GRID2: variants seen among roughly 807,000 people sequenced by gnomAD.
GRID2 encodes the protein glutamate receptor ionotropic, delta-2.
A neutral mutation model predicts 114.8 loss-of-function variants in GRID2; 33 were observed. The observed-to-expected ratio is 0.29, with a 90% confidence interval of 0.22 to 0.38. GRID2 has a LOEUF of 0.38. Ranked by LOEUF, GRID2 falls within the 10% of genes least tolerant of loss-of-function variation. GRID2 has a pLI of 1.00. For missense variants in GRID2, 1,184 were observed against 1,257.7 expected (o/e 0.94, Z 0.89); for synonymous variants, 505 against 449.9 (o/e 1.12, Z -1.55).
intron 1 of GRID2, among the ~76,000 whole-genome samples, chr4:92,536,578 GA>G (rs1725645102): frequency 1.3e-5 from 2 of 152,094 alleles, no homozygotes; most frequent in Admixed American, 1.3e-4. Flanking sequence ...ACTTTAATAA[GA>G]TTGTTATTTT....
At chr4:93,589,236 G>A (rs1198356659) in intron 13 of GRID2, among the ~76,000 whole-genome samples, 37 of 131,176 alleles carry the variant, frequency 2.8e-4, no homozygotes, top group African/African-American at 1.1e-3. Flanking sequence ...AGTGTGTGAT[G>A]TTCCCTTTCC....
chr4:92,315,742 G>A (rs953609434), intron 1 of GRID2, among the ~76,000 whole-genome samples: 3 of 151,876 alleles, frequency 2.0e-5, no homozygotes, highest in Admixed American at 2.0e-4. Flanking sequence ...AGGCTGAGGC[G>A]GGTGGATCAC....
chr4:92,628,130 A>G (rs1730612292), intron 2 of GRID2, among the ~76,000 whole-genome samples: 1 of 152,136 alleles, frequency 6.6e-6, no homozygotes, highest in Admixed American at 6.6e-5. Flanking sequence ...ATTATTAATA[A>G]TGCCTATGTT....
chr4:93,741,174 CATATATAT>C (rs376106965), intron 14 of GRID2, among the ~76,000 whole-genome samples: 3 of 41,238 alleles, frequency 7.3e-5, no homozygotes, highest in African/African-American at 2.5e-4. Flanking sequence ...TATATATATA[CATATATAT>C]ATATATATAT....
chr4:93,560,365 C>G (rs895150538), intron 13 of GRID2, among the ~76,000 whole-genome samples: 1 of 151,152 alleles, frequency 6.6e-6, no homozygotes, highest in African/African-American at 2.4e-5. Context: ...TTCTGGGGAG[C>G]TTCAGGGAGC....
chr4:92,582,574 T>A (rs929199427), intron 1 of GRID2, among the ~76,000 whole-genome samples: 1 of 151,886 alleles, frequency 6.6e-6, no homozygotes, highest in Admixed American at 6.6e-5. Context: ...ACTAGAAATT[T>A]TATAAAAATA....
At chr4:92,864,376 A>T (rs1016364228) in intron 2 of GRID2, among the ~76,000 whole-genome samples, 4 of 152,210 alleles carry the variant, frequency 2.6e-5, no homozygotes, top group African/African-American at 9.6e-5. Flanking sequence ...GCCACCAGAC[A>T]CAGTGAATGA....
At chr4:93,228,101 A>G (rs1430728174) in intron 7 of GRID2, among the ~76,000 whole-genome samples, 2 of 152,166 alleles carry the variant, frequency 1.3e-5, no homozygotes, top group Admixed American at 6.5e-5. Context: ...GGTATTTATT[A>G]TAACAACAGC....
intron 14 of GRID2, among the ~76,000 whole-genome samples, chr4:93,672,057 CCTG>C: frequency 6.6e-6 from 1 of 152,282 alleles, no homozygotes; most frequent in East Asian, 1.9e-4. Context: ...TGTTCTACAT[CCTG>C]CTATTTCAAG....
intron 14 of GRID2, among the ~76,000 whole-genome samples, chr4:93,686,740 C>T (rs1025054863): frequency 6.6e-6 from 1 of 151,838 alleles, no homozygotes; most frequent in Non-Finnish European, 1.5e-5. Flanking sequence ...AAAGAGAGCT[C>T]ACCTAGTGAG....
chr4:93,163,377 T>TATAC (rs1737901726), intron 4 of GRID2, among the ~76,000 whole-genome samples: 1 of 122,856 alleles, frequency 8.1e-6, no homozygotes, highest in Non-Finnish European at 1.7e-5. Flanking sequence ...TATATATATA[T>TATAC]ATATATATAT....
rs1208965122 is a variant in GRID2, at chr4:92,386,539, GAA to G, written c.88+81799_88+81800del. ...ATTGTACTTACAGCATTGTCAACAG[GAA>G]AAATAAAAAATCTTTTATGGAGAAA... is the stretch of plus-strand genomic sequence containing the variant. On this transcript the variant is annotated intron_variant, in intron 1 of 15. Coordinates refer to ENST00000282020, the MANE Select transcript of GRID2 (RefSeq NM_001510.4). Among the ~76,000 whole-genome samples the G allele has an allele frequency of 5.9e-5, 9 of 151,328 alleles. No homozygotes were observed. The East Asian group carries it at 1.7e-3, about 29-fold the overall frequency.
intron 2 of GRID2, among the ~76,000 whole-genome samples, chr4:92,748,105 G>T (rs1038723577): frequency 6.6e-6 from 1 of 152,126 alleles, no homozygotes; most frequent in Non-Finnish European, 1.5e-5. Context: ...CCTGAGGAAT[G>T]GGACCCTGAT....
intron 2 of GRID2, among the ~76,000 whole-genome samples, chr4:93,028,008 T>A (rs79454578): frequency 0.02 from 3,035 of 152,228 alleles, 42 homozygotes; most frequent in East Asian, 0.053. Context: ...CATAAATCCA[T>A]TATAGTATCT....
intron 9 of GRID2, among the ~76,000 whole-genome samples, chr4:93,409,204 G>A (rs949792181): frequency 1.3e-5 from 2 of 152,096 alleles, no homozygotes; most frequent in East Asian, 3.9e-4. Flanking sequence ...AAAAGAAAAG[G>A]TTAATCTACA....
At chr4:93,797,343 A>G (rs1178450208) in intron 1 of GRID2, among the ~76,000 whole-genome samples, 2 of 152,196 alleles carry the variant, frequency 1.3e-5, no homozygotes, top group African/African-American at 4.8e-5. Context: ...TAGAAGCTCA[A>G]ATGAGTTCCT....
intron 2 of GRID2, among the ~76,000 whole-genome samples, chr4:92,911,429 A>C (rs1748371455): frequency 6.6e-6 from 1 of 152,002 alleles, no homozygotes; most frequent in African/African-American, 2.4e-5. Context: ...AAAACACTTA[A>C]AGTGTGCAAC....
chr4:93,671,628 T>C (rs545050328), intron 14 of GRID2, among the ~76,000 whole-genome samples: 1 of 152,230 alleles, frequency 6.6e-6, no homozygotes, highest in South Asian at 2.1e-4. Context: ...ATTAGAAACA[T>C]GAAAGTTAAA....
At chr4:92,871,573 C>T (rs894407541) in intron 2 of GRID2, among the ~76,000 whole-genome samples, 1 of 152,126 alleles carries the variant, frequency 6.6e-6, no homozygotes, top group Non-Finnish European at 1.5e-5. Flanking sequence ...GCTATGACAT[C>T]AGGGCAGAGT....
Sources: gnomAD v4.1 joint callset for allele counts (sites outside exome capture counted in the v4.1 genomes callset) on GRCh38, gnomAD v4.1.1 for gene constraint, MANE v1.5 for transcripts, NCBI Gene and HGNC (gene_info 2026-07-23, HGNC 2026-07-21) for gene names.